EXD3: variants seen among roughly 807,000 people sequenced by gnomAD.
EXD3 encodes exonuclease mut-7 homolog.
EXD3 carries 92 observed loss-of-function variants against 98.0 expected under a neutral mutation model. The observed-to-expected ratio is 0.94, with a 90% CI of 0.79 to 1.12. EXD3 has a LOEUF of 1.12. Among genes scored for constraint, EXD3 ranks in the 50% most tolerant of loss-of-function variants. The pLI, the probability that EXD3 is intolerant of heterozygous loss-of-function variation, is 0.00. For missense variants in EXD3, 1,222 were observed against 1,191.6 expected (o/e 1.03, Z -0.38); for synonymous variants, 569 against 526.0 (o/e 1.08, Z -1.12).
intron 3 of EXD3, chr9:137,374,598 T>C: frequency 1.0e-6 from 1 of 985,468 alleles, no homozygotes; most frequent in South Asian, 4.7e-5. Flanking sequence ...GGAACAGCCG[T>C]GGAGCACACG....
chr9:137,400,029 C>CAAAAAAAA (rs36029399), intron 1 of EXD3, among the ~76,000 whole-genome samples: 2 of 73,320 alleles, frequency 2.7e-5, no homozygotes, highest in Admixed American at 1.4e-4. Context: ...AACTCCATCT[C>CAAAAAAAA]AAAAAAAAAA....
intron 17 of EXD3, among the ~76,000 whole-genome samples, chr9:137,336,857 G>C (rs1833378934): frequency 6.6e-6 from 1 of 151,796 alleles, no homozygotes; most frequent in South Asian, 2.1e-4. Context: ...AGAAAAAGTT[G>C]TACAAATAGA....
chr9:137,384,451 A>G (rs6606580), intron 2 of EXD3, among the ~76,000 whole-genome samples: 98,366 of 152,130 alleles, frequency 0.65, 33,119 homozygotes, highest in African/African-American at 0.83. Context: ...GAAATAACTC[A>G]CCTGGGACGG....
chr9:137,371,489 G>C lies in EXD3; in HGVS notation c.462+1416C>G, dbSNP rs756536073. On this transcript the variant is annotated intron_variant, in intron 5 of 21. Coordinates refer to ENST00000340951, the MANE Select transcript of EXD3 (RefSeq NM_017820.5). This position sits in a 1 kb window ranked among gnomAD's most constrained non-coding sequence, Gnocchi z 8.0. ...CTCCTCACGGTGAGGGGTCTTGCTG[G>C]GAAGAGGAACCCAGGGTGCCATCGG... 5.3e-5 allele frequency among the ~76,000 whole-genome samples: 8 copies of C among 152,134 alleles called. No individual in the cohort carries two copies. Among genetic ancestry groups the C allele is most frequent in the Non-Finnish European group, 7.4e-5 (5 of 67,998 alleles).
intron 1 of EXD3, among the ~76,000 whole-genome samples, chr9:137,417,419 C>T (rs955481411): frequency 6.6e-5 from 10 of 152,194 alleles, no homozygotes; most frequent in African/African-American, 2.2e-4. Flanking sequence ...TTCCGCGGCG[C>T]GGAGGCCCCT....
At chr9:137,363,589 C>T (rs1281258555) in intron 7 of EXD3, among the ~76,000 whole-genome samples, 11 of 151,956 alleles carry the variant, frequency 7.2e-5, no homozygotes, top group South Asian at 2.1e-4. Flanking sequence ...CCGCCTGCCT[C>T]GGCCTCCCAA....
At position 137,312,294 on chromosome 9, in the gene EXD3, G is replaced by A. The variant is rs117923607; in HGVS notation, c.2185-2594C>T. Among the ~76,000 whole-genome samples the A allele has an allele frequency of 1.1e-3, 160 of 152,276 alleles. 3 individuals are homozygous for A. In the East Asian group the frequency reaches 0.026, roughly 25 times the overall value. ...ACCCCCAGAGCCTGACTGGGAGGGC[G>A]GGGTGGGAGGGCCCAGGTGAATGGG... is the stretch of plus-strand genomic sequence containing the variant. On this transcript the variant is annotated intron_variant, in intron 19 of 21. Coordinates refer to ENST00000340951, the MANE Select transcript of EXD3 (RefSeq NM_017820.5).
chr9:137,419,027 T>C (rs1250813656), intron 1 of EXD3, among the ~76,000 whole-genome samples: 2 of 152,198 alleles, frequency 1.3e-5, no homozygotes, highest in African/African-American at 2.4e-5. Context: ...AGGGTTTTTT[T>C]CACCTGAACT....
rs550526015 is a variant in EXD3, at chr9:137,345,763, A to C, written c.1998+2308T>G. On this transcript the variant is annotated intron_variant, in intron 17 of 21. Transcript: ENST00000340951. ...TCCCTTCTTCAAAAATGTTCTCTCC[A>C]GAAAATGCATGAATCTATGTCTGCC... 3 of 152,232 alleles carry C rather than the reference A, an allele frequency of 2.0e-5. No individual in the cohort carries two copies. The East Asian group carries it at 5.8e-4, about 29-fold the overall frequency. The allele number at this position is 152,232 out of a possible 1,614,324, so 9.4% of individuals were successfully genotyped here.
rs199796971 is a variant in EXD3 at position 137,323,868 on chromosome 9, C to G, written c.2053-12G>C. On this transcript the variant is annotated splice_polypyrimidine_tract_variant and intron_variant, in intron 18 of 21. Transcript: ENST00000340951. ...ACCTGGGCCCGGAGCTGCAAAGACA[C>G]GGCTCGGCTACTGAGGGGCAGTGCA... 297 of 1,604,302 alleles carry G rather than the reference C, an allele frequency of 1.9e-4. No homozygotes were observed. The highest frequency in any genetic ancestry group is 2.4e-4 in the Non-Finnish European group (284 of 1,176,870).
intron 17 of EXD3, among the ~76,000 whole-genome samples, chr9:137,339,157 A>G (rs575194904): frequency 6.6e-6 from 1 of 152,252 alleles, no homozygotes; most frequent in South Asian, 2.1e-4. Context: ...CTATTAATAA[A>G]ACTCAGTATC....
chr9:137,334,849 G>A (rs935657084), intron 17 of EXD3, among the ~76,000 whole-genome samples: 1 of 152,116 alleles, frequency 6.6e-6, no homozygotes, highest in Non-Finnish European at 1.5e-5. Context: ...AGGCCGAGGC[G>A]GGCGGATCAC....
At chr9:137,326,303 G>A (rs1330286329) in intron 17 of EXD3, among the ~76,000 whole-genome samples, 1 of 152,218 alleles carries the variant, frequency 6.6e-6, no homozygotes, top group African/African-American at 2.4e-5. Context: ...TCTGACGAGG[G>A]GTTGATATCC....
In EXD3 at chr9:137,351,436, C is replaced by T; in HGVS notation, c.1266G>A (p.Glu422=). The T allele has an allele frequency of 6.2e-7, 1 of 1,606,068 alleles. No homozygotes were observed. The highest frequency in any genetic ancestry group is 1.1e-5 in the South Asian group (1 of 89,752). Residue 422 remains glutamate (E), a synonymous_variant, in exon 13 of 22, where the codon GAG becomes GAA. Transcript: ENST00000340951. Reference sequence around the variant, plus strand: ...GGACGTCCAGAAGGAACACGTGGCCCTCCACGGCCACCTGCAGGAGTGACG... The same window carrying T: ...GGACGTCCAGAAGGAACACGTGGCCTTCCACGGCCACCTGCAGGAGTGACG... The part of the protein sequence containing the change: ...PRPSLLQVAV[E]GHVFLLDVLA...
At chr9:137,418,714 A>G (rs1336162319) in intron 1 of EXD3, among the ~76,000 whole-genome samples, 1 of 152,156 alleles carries the variant, frequency 6.6e-6, no homozygotes, top group Non-Finnish European at 1.5e-5. Context: ...CTTTTGAACA[A>G]CATTTCGTGT....
intron 3 of EXD3, among the ~76,000 whole-genome samples, chr9:137,378,343 G>C (rs1836022358): frequency 6.6e-6 from 1 of 152,076 alleles, no homozygotes; most frequent in African/African-American, 2.4e-5. Flanking sequence ...CAAATAGCAG[G>C]GACTACAGGT....
chr9:137,368,663 G>A (rs1341179409), intron 5 of EXD3, among the ~76,000 whole-genome samples: 6 of 152,340 alleles, frequency 3.9e-5, no homozygotes, highest in South Asian at 4.1e-4. Flanking sequence ...CCCCGCCCCC[G>A]CGCAGCCCAG....
chr9:137,310,016 C>T lies in EXD3; in HGVS notation c.2185-316G>A, dbSNP rs545449876. On this transcript the variant is annotated intron_variant, in intron 19 of 21. Coordinates refer to ENST00000340951, the MANE Select transcript of EXD3 (RefSeq NM_017820.5). ...AGGGCAGAACCAGGTCTGGGTCCCC[C>T]GTGGGCCACCTCAGCTGGCGTGTTG... is the stretch of plus-strand genomic sequence containing the variant. Among the ~76,000 whole-genome samples, 45 of 152,374 alleles carry T rather than the reference C, an allele frequency of 3.0e-4. No homozygotes were observed. In the South Asian group the frequency reaches 6.2e-3, roughly 21 times the overall value.
intron 1 of EXD3, among the ~76,000 whole-genome samples, chr9:137,410,862 A>G (rs1425198471): frequency 1.3e-5 from 2 of 151,478 alleles, no homozygotes; most frequent in African/African-American, 4.9e-5. Context: ...GTGAGGTCCA[A>G]GGCTCTGCAG....
Sources: gnomAD v4.1 joint callset for allele counts (sites outside exome capture counted in the v4.1 genomes callset) on GRCh38, gnomAD v4.1.1 for gene constraint, Gnocchi (gnomAD v3.1) non-coding constraint, MANE v1.5 for transcripts, NCBI Gene and HGNC (gene_info 2026-07-23, HGNC 2026-07-21) for gene names.